CHODL: variants seen among roughly 807,000 people sequenced by gnomAD.
The protein encoded by CHODL is chondrolectin.
Under a neutral mutation model 34.5 loss-of-function variants are expected in CHODL, and 29 were observed. The ratio of observed to expected loss-of-function variants is 0.84; its 90% CI spans 0.63 to 1.15. The LOEUF (loss-of-function observed/expected upper bound fraction) is 1.15, where lower values mean the gene tolerates loss of function less well. Among genes scored for constraint, CHODL ranks in the 50% most tolerant of loss-of-function variants. CHODL has a pLI of 0.00. For synonymous variants in CHODL, 125 were observed against 116.1 expected (o/e 1.08, Z -0.49); for missense variants, 332 against 332.5 (o/e 1.00, Z 0.01).
At chr21:18,240,984 C>G (rs1056246950), upstream of CHODL, among the ~76,000 whole-genome samples, 1 of 152,150 alleles carries the variant, frequency 6.6e-6, no homozygotes, top group African/African-American at 2.4e-5. Flanking sequence ...TGAAATTCCC[C>G]TAGACAGCCC....
chr21:18,065,353 C>A (rs1250320394), intron 2 of CHODL, among the ~76,000 whole-genome samples: 23 of 152,020 alleles, frequency 1.5e-4, no homozygotes. Context: ...TAACATGCAC[C>A]AAAAAATATT....
At chr21:17,959,468 A>T (rs933752935) in intron 1 of CHODL, among the ~76,000 whole-genome samples, 2 of 152,228 alleles carry the variant, frequency 1.3e-5, no homozygotes, top group Non-Finnish European at 2.9e-5. Context: ...TGGAAATTCT[A>T]TACTCTGACT....
intron 2 of CHODL, among the ~76,000 whole-genome samples, chr21:18,158,838 T>TAAAAAAAAA (rs11423104): frequency 1.7e-5 from 2 of 121,178 alleles, no homozygotes; most frequent in Admixed American, 8.8e-5. Flanking sequence ...AACTCCGTCT[T>TAAAAAAAAA]AAAAAAAAAA....
intron 1 of CHODL, among the ~76,000 whole-genome samples, chr21:17,977,174 G>A (rs990418456): frequency 6.6e-5 from 10 of 152,096 alleles, no homozygotes; most frequent in African/African-American, 2.4e-4. Flanking sequence ...ATTTATAGAT[G>A]AGGAAATTAA....
At chr21:18,128,388 T>C (rs2146590314) in intron 2 of CHODL, among the ~76,000 whole-genome samples, 1 of 140,872 alleles carries the variant, frequency 7.1e-6, no homozygotes, top group East Asian at 2.1e-4. Context: ...AGAATAAACT[T>C]AAAGATTTCC....
At chr21:17,989,127 A>G (rs1403078185) in intron 1 of CHODL, among the ~76,000 whole-genome samples, 2 of 152,198 alleles carry the variant, frequency 1.3e-5, no homozygotes, top group Non-Finnish European at 1.5e-5. Flanking sequence ...TTAGTCCATG[A>G]TGTACTATGT....
intron 2 of CHODL, among the ~76,000 whole-genome samples, chr21:18,173,306 T>G (rs746250507): frequency 3.9e-5 from 6 of 152,192 alleles, no homozygotes; most frequent in Non-Finnish European, 8.8e-5. Context: ...GAGCAAGTTA[T>G]AGGTCCCATA....
chr21:18,036,419 C>T (rs1449634000), intron 2 of CHODL, among the ~76,000 whole-genome samples: 1 of 151,940 alleles, frequency 6.6e-6, no homozygotes, highest in East Asian at 1.9e-4. Flanking sequence ...GTGTATAGGA[C>T]TGTACGCTCT....
chr21:18,086,921 C>A (rs1229592131), intron 2 of CHODL, among the ~76,000 whole-genome samples: 1 of 152,172 alleles, frequency 6.6e-6, no homozygotes, highest in African/African-American at 2.4e-5. Flanking sequence ...TGGTGTCATG[C>A]AGGTGATTGC....
intron 1 of CHODL, among the ~76,000 whole-genome samples, chr21:17,957,299 T>A (rs1469125873): frequency 1.3e-5 from 2 of 152,222 alleles, no homozygotes; most frequent in Admixed American, 1.3e-4. Flanking sequence ...GGTTGCAGAA[T>A]GATTTTAATA....
intron 1 of CHODL, among the ~76,000 whole-genome samples, chr21:17,942,793 C>T (rs900644629): frequency 6.6e-6 from 1 of 152,104 alleles, no homozygotes; most frequent in African/African-American, 2.4e-5. Context: ...TCCATGTCCC[C>T]ACCCAAATCT....
chr21:18,132,423 CA>C (rs1225767167), intron 2 of CHODL, among the ~76,000 whole-genome samples: 10 of 152,136 alleles, frequency 6.6e-5, no homozygotes, highest in Non-Finnish European at 1.2e-4. Flanking sequence ...AGGTGTCCTC[CA>C]ATCCTTGGAA....
chr21:18,242,843 T>A (rs1346001270), upstream of CHODL, among the ~76,000 whole-genome samples: 1 of 152,156 alleles, frequency 6.6e-6, no homozygotes, highest in Non-Finnish European at 1.5e-5. Context: ...ACCATGAAGA[T>A]CCTTCCTGAC....
At chr21:18,117,617 G>A (rs182526921) in intron 2 of CHODL, among the ~76,000 whole-genome samples, 10 of 152,110 alleles carry the variant, frequency 6.6e-5, no homozygotes, top group Non-Finnish European at 1.2e-4. Flanking sequence ...TTGTGCCTTC[G>A]TGTAGCTTAT....
chr21:18,010,297 CAAAAAA>C (rs71189576), intron 1 of CHODL, among the ~76,000 whole-genome samples: 8 of 38,792 alleles, frequency 2.1e-4, no homozygotes, highest in Admixed American at 9.8e-4. Context: ...ACTCCCGTCT[CAAAAAA>C]AAAAAAAAAA....
chr21:18,056,387 T>C (rs2064580455), intron 2 of CHODL, among the ~76,000 whole-genome samples: 1 of 151,588 alleles, frequency 6.6e-6, no homozygotes. Flanking sequence ...TATCTTTTAA[T>C]ATCTTTTTGA....
intron 2 of CHODL, among the ~76,000 whole-genome samples, chr21:18,167,560 T>G (rs2073174282): frequency 6.6e-6 from 1 of 152,126 alleles, no homozygotes; most frequent in African/African-American, 2.4e-5. Context: ...CCACCCATCT[T>G]GGCCTCCCAA....
chr21:18,128,485 A>C (rs960414091), intron 2 of CHODL, among the ~76,000 whole-genome samples: 2 of 152,090 alleles, frequency 1.3e-5, no homozygotes, highest in African/African-American at 2.4e-5. Flanking sequence ...CATTCCATTA[A>C]GGAAACTTCA....
intron 2 of CHODL, among the ~76,000 whole-genome samples, chr21:18,127,600 G>A (rs1027984930): frequency 6.8e-6 from 1 of 148,146 alleles, no homozygotes; most frequent in Non-Finnish European, 1.5e-5. Context: ...GAATTGGCAA[G>A]GCAACTAAAA....
Sources: allele counts gnomAD v4.1 joint callset (sites outside exome capture counted in the v4.1 genomes callset), GRCh38; gene constraint gnomAD v4.1.1; transcripts MANE v1.5; gene names NCBI Gene and HGNC (gene_info 2026-07-23, HGNC 2026-07-21).